The following TMEFF2 variants were observed in gnomAD, a reference collection of about 807,000 sequenced individuals.
TMEFF2 encodes the protein transmembrane protein with EGF like and two follistatin like domains 2.
TMEFF2 carries 28 observed loss-of-function variants against 53.8 expected under a neutral mutation model. The observed-to-expected ratio is 0.52, with a 90% confidence interval of 0.39 to 0.71. The LOEUF (loss-of-function observed/expected upper bound fraction) is 0.71. Ranked by LOEUF, TMEFF2 falls within the 30% of genes least tolerant of loss-of-function variation. TMEFF2 has a pLI of 0.00. For synonymous variants in TMEFF2, 162 were observed against 166.3 expected, an observed-to-expected ratio of 0.97 and a Z score of 0.20; for missense variants, 353 against 455.2, an observed-to-expected ratio of 0.78 and a Z score of 2.04.
rs376482759 is a variant in TMEFF2 at position 192,194,424 on chromosome 2, C to T, written c.101G>A (p.Arg34His). The change falls in exon 1 of 10, where the codon CGC becomes CAC. Residue 34 changes from arginine to histidine, a missense_variant. Physicochemically the swap from Arg to His is conservative, Grantham distance 29. This residue lies in a region of TMEFF2 where 54 missense variants were observed against 41.8 expected (regional missense o/e 1.29). Transcript: ENST00000272771. This position sits in a 1 kb window ranked among gnomAD's most constrained non-coding sequence, Gnocchi z 4.2. ...AGGGAAAGCAGCGAGCTTCACCGGG[C>T]GGGCTACGATGAGTAGCATGACGGG... Reference protein sequence around the residue: ...LLPVMLLIVARPVKLAAFPTS... With the variant: ...LLPVMLLIVAHPVKLAAFPTS... The T allele has an allele frequency of 1.7e-5, 28 of 1,613,958 alleles. No individual in the cohort carries two copies. The highest frequency in any genetic ancestry group is 1.7e-4 in the Admixed American group (10 of 60,000).
chr2:191,969,141 A>ATATG (rs1553508554), intron 7 of TMEFF2, among the ~76,000 whole-genome samples: 11 of 150,208 alleles, frequency 7.3e-5, no homozygotes, highest in African/African-American at 2.0e-4. Context: ...GTGTGTATCT[A>ATATG]TGTGTGTGTG....
At chr2:192,075,302 T>TAAATATATATATATATAAATATATAA (rs1258473625) in intron 4 of TMEFF2, among the ~76,000 whole-genome samples, 2 of 38,092 alleles carry the variant, frequency 5.3e-5, no homozygotes, top group African/African-American at 1.6e-4. Context: ...TATATATATA[T>TAAATATATATATATATAAATATATAA]ATATATATAT....
intron 2 of TMEFF2, among the ~76,000 whole-genome samples, chr2:192,191,158 G>T (rs1047442505): frequency 6.6e-6 from 1 of 152,098 alleles, no homozygotes. Flanking sequence ...GACACTAAAA[G>T]TTCTATCTTT....
At chr2:192,112,798 C>G (rs908800205) in intron 4 of TMEFF2, among the ~76,000 whole-genome samples, 1 of 152,124 alleles carries the variant, frequency 6.6e-6, no homozygotes, top group Non-Finnish European at 1.5e-5. Flanking sequence ...TTCCCCCATG[C>G]TGTTCTCATG....
In TMEFF2 at chr2:192,114,394, A is replaced by G. The variant is rs145349109; in HGVS notation, c.440-56619T>C. Among the ~76,000 whole-genome samples, 84 of 151,962 alleles carry G rather than the reference A, an allele frequency of 5.5e-4. 3 individuals carry two copies. In the East Asian group the frequency reaches 0.016, roughly 29 times the overall value. Reference sequence around the variant, plus strand: ...TGCAAGGATGATAAGGAAGAAGACAAGGATGCCCACTCTCTCTACTGCTAT... The same window carrying G: ...TGCAAGGATGATAAGGAAGAAGACAGGGATGCCCACTCTCTCTACTGCTAT... On this transcript the variant is annotated intron_variant, in intron 4 of 9. Coordinates refer to ENST00000272771, the MANE Select transcript of TMEFF2 (RefSeq NM_016192.4).
intron 4 of TMEFF2, among the ~76,000 whole-genome samples, chr2:192,164,872 C>T (rs757184380): frequency 6.6e-6 from 1 of 152,034 alleles, no homozygotes; most frequent in Non-Finnish European, 1.5e-5. Context: ...ATGGTTGGCA[C>T]AGAGTATAAT....
chr2:192,084,720 C>T (rs1050388122), intron 4 of TMEFF2, among the ~76,000 whole-genome samples: 3 of 151,968 alleles, frequency 2.0e-5, no homozygotes, highest in African/African-American at 7.3e-5. Flanking sequence ...TGAGATACCG[C>T]CAAAAAAGGC....
chr2:192,110,451 A>G (rs1175112650), intron 4 of TMEFF2, among the ~76,000 whole-genome samples: 1 of 152,174 alleles, frequency 6.6e-6, no homozygotes, highest in African/African-American at 2.4e-5. Context: ...TGTTGTTTTT[A>G]GCTGATATCC....
chr2:191,950,228 CTCTTG>C lies in TMEFF2; in HGVS notation c.*78_*82del. 2 of 1,583,806 alleles carry C rather than the reference CTCTTG, an allele frequency of 1.3e-6. No individual in the cohort carries two copies. The highest frequency in any genetic ancestry group is 8.6e-7 in the Non-Finnish European group (1 of 1,165,180). On this transcript the variant is annotated 3_prime_UTR_variant, in exon 10 of 10. Transcript: ENST00000272771. ...CAAATGCAAGGCAACATGTGTAGAT[CTCTTG>C]TCTTATTCTTTTGTCTATAATACTG...
chr2:191,950,230 CTTGTCTTATTCTT>C lies in TMEFF2; in HGVS notation c.*68_*80del. On this transcript the variant is annotated 3_prime_UTR_variant, in exon 10 of 10. Coordinates refer to ENST00000272771, the MANE Select transcript of TMEFF2 (RefSeq NM_016192.4). Reference sequence around the variant, plus strand: ...AATGCAAGGCAACATGTGTAGATCTCTTGTCTTATTCTTTTGTCTATAATACTGTATTGTGTAG... The same window carrying C: ...AATGCAAGGCAACATGTGTAGATCTCTTGTCTATAATACTGTATTGTGTAG... 1.3e-6 allele frequency: 2 copies of C among 1,542,298 alleles called. No homozygotes were observed. The highest frequency in any genetic ancestry group is 3.4e-4 in the Middle Eastern group (2 of 5,814).
At chr2:192,116,203 G>A (rs907748392) in intron 4 of TMEFF2, among the ~76,000 whole-genome samples, 1 of 151,962 alleles carries the variant, frequency 6.6e-6, no homozygotes, top group Non-Finnish European at 1.5e-5. Flanking sequence ...GATGAACCTT[G>A]AGACAATTAT....
chr2:192,072,265 T>A (rs540276296), intron 4 of TMEFF2, among the ~76,000 whole-genome samples: 1 of 152,098 alleles, frequency 6.6e-6, no homozygotes, highest in East Asian at 1.9e-4. Context: ...ACCTAAGTTC[T>A]TGTATCCTTA....
chr2:192,150,937 G>A (rs745747888), intron 4 of TMEFF2, among the ~76,000 whole-genome samples: 3 of 151,796 alleles, frequency 2.0e-5, no homozygotes, highest in Admixed American at 6.6e-5. Flanking sequence ...GTTTGGTTCT[G>A]TGTCCCCACT....
intron 4 of TMEFF2, among the ~76,000 whole-genome samples, chr2:192,080,872 A>C (rs1308253656): frequency 2.6e-5 from 4 of 151,452 alleles, no homozygotes; most frequent in African/African-American, 7.3e-5. Context: ...TTTTGATCAA[A>C]TATTTTGCAA....
At chr2:192,072,854 T>G (rs1688323248) in intron 4 of TMEFF2, among the ~76,000 whole-genome samples, 1 of 151,820 alleles carries the variant, frequency 6.6e-6, no homozygotes, top group African/African-American at 2.4e-5. Flanking sequence ...TCATATTCAT[T>G]TTTTTCAGGA....
At chr2:192,038,481 C>T (rs1020838874) in intron 5 of TMEFF2, among the ~76,000 whole-genome samples, 7 of 152,040 alleles carry the variant, frequency 4.6e-5, no homozygotes, top group South Asian at 2.1e-4. Flanking sequence ...TCAAACCTAA[C>T]CATCCCAACT....
chr2:192,096,859 A>G (rs1358204559), intron 4 of TMEFF2, among the ~76,000 whole-genome samples: 1 of 151,482 alleles, frequency 6.6e-6, no homozygotes, highest in Non-Finnish European at 1.5e-5. Context: ...TATTTTTAGT[A>G]GAGACGGGGT....
chr2:192,049,916 G>C (rs1687725809), intron 5 of TMEFF2, among the ~76,000 whole-genome samples: 1 of 152,172 alleles, frequency 6.6e-6, no homozygotes, highest in African/African-American at 2.4e-5. Context: ...CAGGGGAATG[G>C]TGTGAACCTG....
At chr2:192,101,812 T>C (rs551835854) in intron 4 of TMEFF2, among the ~76,000 whole-genome samples, 1 of 152,302 alleles carries the variant, frequency 6.6e-6, no homozygotes, top group East Asian at 1.9e-4. Context: ...TGTAACGAAA[T>C]ATTAGGCAAC....
Sources: gnomAD v4.1 joint callset for allele counts (sites outside exome capture counted in the v4.1 genomes callset) on GRCh38, gnomAD v4.1.1 for gene constraint, gnomAD v4.1.1 regional missense constraint, Gnocchi (gnomAD v3.1) non-coding constraint, MANE v1.5 for transcripts, NCBI Gene and HGNC (gene_info 2026-07-23, HGNC 2026-07-21) for gene names.